The following ZBTB20 variants were observed in gnomAD, a reference collection of about 807,000 sequenced individuals.
ZBTB20 encodes zinc finger and BTB domain containing 20.
Under a neutral mutation model 56.9 loss-of-function variants are expected in ZBTB20, and 9 were observed. The ratio of observed to expected loss-of-function variants is 0.16; its 90% CI spans 0.10 to 0.28. The LOEUF (loss-of-function observed/expected upper bound fraction) is 0.28, where lower values mean the gene tolerates loss of function less well. ZBTB20 is among the 10% of genes least tolerant of loss of function. The pLI, the probability that ZBTB20 is intolerant of heterozygous loss-of-function variation, is 1.00. For synonymous variants in ZBTB20, 417 were observed against 420.7 expected (o/e 0.99, Z 0.11); for missense variants, 655 against 1,003.0 (o/e 0.65, Z 4.69).
intron 6 of ZBTB20, among the ~76,000 whole-genome samples, chr3:114,502,153 T>C (rs2044066696): frequency 6.6e-6 from 1 of 152,194 alleles, no homozygotes; most frequent in South Asian, 2.1e-4. Context: ...AAGAATTTAA[T>C]ACAGGGTGAT....
At chr3:114,394,793 C>T (rs2086194336) in intron 7 of ZBTB20, among the ~76,000 whole-genome samples, 1 of 152,174 alleles carries the variant, frequency 6.6e-6, no homozygotes. Context: ...AGCCGACTGG[C>T]TTCTGATTCT....
At chr3:114,625,839 G>T (rs1006519693) in intron 6 of ZBTB20, among the ~76,000 whole-genome samples, 1 of 151,976 alleles carries the variant, frequency 6.6e-6, no homozygotes, top group Non-Finnish European at 1.5e-5. Context: ...AGAAAAACAA[G>T]GTTCAACATA....
intron 5 of ZBTB20, among the ~76,000 whole-genome samples, chr3:114,790,053 C>T (rs926300304): frequency 2.0e-5 from 3 of 151,970 alleles, no homozygotes; most frequent in Non-Finnish European, 4.4e-5. Context: ...GAACTAGTAC[C>T]AACTACAGCT....
chr3:114,341,398 TAG>T (rs1230128673), intron 11 of ZBTB20, among the ~76,000 whole-genome samples: 3 of 152,216 alleles, frequency 2.0e-5, no homozygotes, highest in African/African-American at 7.2e-5. Context: ...AGACGATTTA[TAG>T]AGGCTATGAT....
chr3:114,490,902 G>A (rs1201396375), intron 7 of ZBTB20, among the ~76,000 whole-genome samples: 1 of 152,182 alleles, frequency 6.6e-6, no homozygotes, highest in Non-Finnish European at 1.5e-5. Context: ...GAGGGAAGGA[G>A]CAGGCATAAG....
chr3:114,708,210 G>C (rs7616014), intron 5 of ZBTB20, among the ~76,000 whole-genome samples: 90,752 of 151,998 alleles, frequency 0.6, 30,932 homozygotes, highest in Non-Finnish European at 0.77. Flanking sequence ...AAAATGTTTT[G>C]GTTACTCTAA....
At position 114,317,743 on chromosome 3, in the gene ZBTB20, A is replaced by G. The variant is rs962719729; in HGVS notation, c.*21262T>C. ...ATCTAACTATAAAAGGAAAAGATGA[A>G]GGCACGTGATATTATTCGGTCCCAC... On this transcript the variant is annotated 3_prime_UTR_variant, in exon 12 of 12. Transcript: ENST00000675478. The G allele has an allele frequency of 6.6e-6, 1 of 152,186 alleles. No individual in the cohort carries two copies. The highest frequency in any genetic ancestry group is 1.5e-5 in the Non-Finnish European group (1 of 68,032). 9.4% of individuals were successfully genotyped at this position (152,186 alleles called of 1,614,324 possible). A position where few individuals can be genotyped will look rare whatever the true frequency, so the allele number is the denominator to read the frequency against.
intron 6 of ZBTB20, among the ~76,000 whole-genome samples, chr3:114,521,868 C>G (rs1004395212): frequency 6.6e-6 from 1 of 151,980 alleles, no homozygotes; most frequent in Non-Finnish European, 1.5e-5. Flanking sequence ...GAGCCTATGC[C>G]ACAATATTAT....
At chr3:115,007,513 T>C (rs1425095995) in intron 2 of ZBTB20, among the ~76,000 whole-genome samples, 1 of 151,912 alleles carries the variant, frequency 6.6e-6, no homozygotes, top group Non-Finnish European at 1.5e-5. Flanking sequence ...TATCCCTTTT[T>C]CTCACTTATA....
intron 2 of ZBTB20, among the ~76,000 whole-genome samples, chr3:115,036,539 C>T (rs190151789): frequency 2.6e-5 from 4 of 152,186 alleles, no homozygotes; most frequent in African/African-American, 2.4e-5. Context: ...CTCAGCCTCC[C>T]GAGTAGCTGG....
intron 4 of ZBTB20, among the ~76,000 whole-genome samples, chr3:114,891,874 C>A (rs2076823853): frequency 6.6e-6 from 1 of 152,042 alleles, no homozygotes; most frequent in Non-Finnish European, 1.5e-5. Flanking sequence ...TGGTGAAACC[C>A]CGTCTCTACT....
intron 6 of ZBTB20, among the ~76,000 whole-genome samples, chr3:114,611,122 G>A (rs2057519475): frequency 6.6e-6 from 1 of 152,122 alleles, no homozygotes. Flanking sequence ...ACATGAGTCT[G>A]GGATGGTTTT....
At chr3:114,778,286 A>AT (rs2069783832) in intron 5 of ZBTB20, among the ~76,000 whole-genome samples, 1 of 6,402 alleles carries the variant, frequency 1.6e-4, no homozygotes, top group Non-Finnish European at 6.1e-4. Context: ...AATAATACAC[A>AT]TTCAAAAAAA....
In ZBTB20 at chr3:115,103,280, T is replaced by C. The variant is rs2083633895; in HGVS notation, c.-702-31866A>G. ...AGTTAAAAACTGGTTCTGTCCCAAATTGATCTATAGATTCAATTCAATCCC... is the reference window on the plus strand; with the variant it reads ...AGTTAAAAACTGGTTCTGTCCCAAACTGATCTATAGATTCAATTCAATCCC... On this transcript the variant is annotated intron_variant, in intron 1 of 11. Transcript: ENST00000675478. 2.0e-5 allele frequency among the ~76,000 whole-genome samples: 3 copies of C among 152,204 alleles called. No individual in the cohort carries two copies. The South Asian group carries it at 6.2e-4, about 31-fold the overall frequency.
intron 4 of ZBTB20, among the ~76,000 whole-genome samples, chr3:114,858,936 A>G (rs1326755436): frequency 6.6e-6 from 1 of 152,210 alleles, no homozygotes; most frequent in East Asian, 1.9e-4. Flanking sequence ...TTTGAAGTAT[A>G]TAAGAAAACC....
intron 4 of ZBTB20, among the ~76,000 whole-genome samples, chr3:114,844,534 A>AAAAAAAC (rs2074572236): frequency 7.1e-6 from 1 of 140,232 alleles, no homozygotes; most frequent in East Asian, 2.0e-4. Context: ...AAAAAAAAAA[A>AAAAAAAC]AAAAAAAAAA....
At chr3:114,976,482 C>T (rs923430515) in intron 2 of ZBTB20, among the ~76,000 whole-genome samples, 4 of 151,906 alleles carry the variant, frequency 2.6e-5, no homozygotes, top group Admixed American at 6.6e-5. Context: ...AAAAATTAGC[C>T]GGGCGTGGTG....
intron 4 of ZBTB20, among the ~76,000 whole-genome samples, chr3:114,841,920 C>T (rs2074401042): frequency 6.6e-6 from 1 of 152,190 alleles, no homozygotes. Flanking sequence ...GTTCAGAGAA[C>T]ATCAACTTTA....
At chr3:114,364,192 C>G (rs992868428) in intron 10 of ZBTB20, among the ~76,000 whole-genome samples, 2 of 152,158 alleles carry the variant, frequency 1.3e-5, no homozygotes. Flanking sequence ...TGGCTCACAC[C>G]TGCAATCCCA....
Sources: gnomAD v4.1 joint callset for allele counts (sites outside exome capture counted in the v4.1 genomes callset) on GRCh38, gnomAD v4.1.1 for gene constraint, MANE v1.5 for transcripts, NCBI Gene and HGNC (gene_info 2026-07-23, HGNC 2026-07-21) for gene names.